The following MID1 variants were observed in gnomAD, a reference collection of about 807,000 sequenced individuals.
The protein encoded by MID1 is midline 1, also known as E3 ubiquitin-protein ligase Midline-1.
MID1 carries 7 observed loss-of-function variants against 40.4 expected under a neutral mutation model. The observed-to-expected ratio is 0.17, with a 90% confidence interval of 0.10 to 0.33. The LOEUF (loss-of-function observed/expected upper bound fraction) is 0.33. Among genes scored for constraint, MID1 ranks in the 10% least tolerant of loss-of-function variants. The pLI, the probability that MID1 is intolerant of heterozygous loss-of-function variation, is 1.00. For synonymous variants in MID1, 229 were observed against 221.2 expected (o/e 1.04, Z -0.31); for missense variants, 367 against 558.5 (o/e 0.66, Z 3.46).
At chrX:10,504,067 T>C (rs541555381) in intron 3 of MID1, among the ~76,000 whole-genome samples, 1 of 111,661 alleles carries the variant, frequency 9.0e-6, no homozygotes, top group African/African-American at 3.2e-5. Flanking sequence ...TTCAAACAGG[T>C]AAAATAATTT....
chrX:10,583,770 C>T (rs1277385155), intron 1 of MID1, among the ~76,000 whole-genome samples: 6 of 111,594 alleles, frequency 5.4e-5, no homozygotes, highest in East Asian at 2.8e-4. Context: ...CGGTGGCTCA[C>T]GCCTGTAAAC....
rs768219346 is a variant in MID1 at position 10,459,816 on chromosome X, C to CCAAT, written c.1286-13_1286-10dup. The CCAAT allele has an allele frequency of 3.4e-5, 41 of 1,203,756 alleles. No individual in the cohort carries two copies. The Admixed American group carries it at 8.5e-4, about 25-fold the overall frequency. Reference sequence around the variant, plus strand: ...AGCCGAATTACACAGACCTGCAAAGCCAATCAGACATGGTGCAGTTCTTTG... The same window carrying CCAAT: ...AGCCGAATTACACAGACCTGCAAAGCCAATCAATCAGACATGGTGCAGTTCTTTG... On this transcript the variant is annotated splice_polypyrimidine_tract_variant and intron_variant, in intron 7 of 9. Coordinates refer to ENST00000317552, the MANE Select transcript of MID1 (RefSeq NM_000381.4).
chrX:10,510,338 A>T (rs1317660072), intron 3 of MID1, among the ~76,000 whole-genome samples: 1 of 111,674 alleles, frequency 9.0e-6, no homozygotes, highest in Non-Finnish European at 1.9e-5. Context: ...GCCGCTCTTC[A>T]GGTCAATCCT....
chrX:10,509,791 C>T (rs953951832), intron 3 of MID1, among the ~76,000 whole-genome samples: 1 of 112,242 alleles, frequency 8.9e-6, no homozygotes, highest in African/African-American at 3.2e-5. Context: ...TGAGCTAGTG[C>T]TACAAGGAGG....
chrX:10,812,010 A>C (rs1210373857), intron 1 of MID1, among the ~76,000 whole-genome samples: 1 of 111,815 alleles, frequency 8.9e-6, no homozygotes, highest in Admixed American at 9.5e-5. Context: ...AACCCATATT[A>C]ACTTCTGCCA....
At chrX:10,626,801 A>G (rs1357069414) in intron 1 of MID1, among the ~76,000 whole-genome samples, 1 of 112,163 alleles carries the variant, frequency 8.9e-6, no homozygotes, top group Non-Finnish European at 1.9e-5. Flanking sequence ...GTTTGAGCCA[A>G]TGTTTTGGGA....
chrX:10,570,028 A>G (rs1037140608), intron 1 of MID1, among the ~76,000 whole-genome samples: 3 of 112,288 alleles, frequency 2.7e-5, no homozygotes, highest in African/African-American at 9.7e-5. Flanking sequence ...TTGTTAAAAC[A>G]TGACAGAACA....
intron 1 of MID1, among the ~76,000 whole-genome samples, chrX:10,567,991 A>T (rs1015380624): frequency 1.8e-5 from 2 of 112,215 alleles, no homozygotes; most frequent in Non-Finnish European, 3.8e-5. Flanking sequence ...AATATTCATC[A>T]ATAAACTAGA....
intron 3 of MID1, 142 bp from the exon 4 acceptor site, chrX:10,495,833 T>C: frequency 2.0e-6 from 1 of 502,321 alleles, no homozygotes; most frequent in East Asian, 3.8e-5. Context: ...ACGCAAGGAT[T>C]GCAAATATAG....
At position 10,458,507 on chromosome X, in the gene MID1, A is replaced by G. The variant is rs146831213; in HGVS notation, c.1447+1139T>C. ...ATTTCTTAGTTATGATAACTGTACC[A>G]AGGTTACATAAGATGTTAATATTTG... On this transcript the variant is annotated intron_variant, in intron 8 of 9. Coordinates refer to ENST00000317552, the MANE Select transcript of MID1 (RefSeq NM_000381.4). Among the ~76,000 whole-genome samples the G allele has an allele frequency of 5.9e-3, 660 of 112,157 alleles. 2 individuals carry two copies. The highest frequency in any genetic ancestry group is 9.2e-3 in the Non-Finnish European group (489 of 53,229).
intron 1 of MID1, among the ~76,000 whole-genome samples, chrX:10,828,303 G>A (rs763590606): frequency 2.7e-5 from 3 of 111,326 alleles, no homozygotes; most frequent in South Asian, 7.6e-4. Context: ...CATCTTGGAC[G>A]CCACATCAGA....
intron 1 of MID1, among the ~76,000 whole-genome samples, chrX:10,700,802 T>C (rs1177097413): frequency 8.9e-6 from 1 of 112,083 alleles, no homozygotes; most frequent in Non-Finnish European, 1.9e-5. Flanking sequence ...TCTATGATGA[T>C]GTGGAGTCTA....
In MID1 at chrX:10,690,712, C is replaced by T. The variant is rs917338186; in HGVS notation, c.-186-70293G>A. 5.4e-5 allele frequency among the ~76,000 whole-genome samples: 6 copies of T among 111,749 alleles called. No individual in the cohort carries two copies. The Admixed American group carries it at 5.7e-4, about 11-fold the overall frequency. ...CCTCTTGGTGCCTCAGTTTCCTCAC[C>T]TGCATACTCAGAGGGAGGGACTAGA... is the stretch of plus-strand genomic sequence containing the variant. On this transcript the variant is annotated intron_variant, in intron 1 of 10. Transcript: ENST00000380785.
intron 1 of MID1, among the ~76,000 whole-genome samples, chrX:10,736,493 G>A (rs2043488853): frequency 8.9e-6 from 1 of 112,116 alleles, no homozygotes; most frequent in Non-Finnish European, 1.9e-5. Context: ...TCAAACATGT[G>A]GCTGTTTATA....
intron 1 of MID1, among the ~76,000 whole-genome samples, chrX:10,772,042 C>T (rs921535151): frequency 9.0e-6 from 1 of 110,667 alleles, no homozygotes; most frequent in South Asian, 3.9e-4. Context: ...GATGCTTGCA[C>T]ACGCATGTTT....
At chrX:10,792,486 C>A (rs60541501) in intron 1 of MID1, among the ~76,000 whole-genome samples, 7,114 of 112,100 alleles carry the variant, frequency 0.063, 578 homozygotes, top group African/African-American at 0.22. Context: ...GATAAAATAA[C>A]ACATATTGGT....
chrX:10,770,979 G>A (rs770252923), intron 1 of MID1, among the ~76,000 whole-genome samples: 3 of 109,012 alleles, frequency 2.8e-5, no homozygotes, highest in East Asian at 5.8e-4. Context: ...GGTGGCGGGC[G>A]CCTGTAATCC....
intron 1 of MID1, among the ~76,000 whole-genome samples, chrX:10,811,740 G>C (rs997422359): frequency 1.8e-5 from 2 of 111,831 alleles, no homozygotes; most frequent in Non-Finnish European, 3.8e-5. Context: ...GCCTTGCCAG[G>C]ATTGGACTTT....
intron 1 of MID1, among the ~76,000 whole-genome samples, chrX:10,668,875 T>C (rs1479185326): frequency 1.8e-5 from 2 of 112,378 alleles, no homozygotes; most frequent in East Asian, 5.5e-4. Flanking sequence ...ATAACTGTAT[T>C]TATTTAGGTT....
Sources: gnomAD v4.1 joint callset for allele counts (sites outside exome capture counted in the v4.1 genomes callset) on GRCh38, gnomAD v4.1.1 for gene constraint, MANE v1.5 for transcripts, NCBI Gene and HGNC (gene_info 2026-07-23, HGNC 2026-07-21) for gene names.